SYNJ2BP: variants seen among roughly 807,000 people sequenced by gnomAD.
The protein encoded by SYNJ2BP is synaptojanin 2 binding protein.
In SYNJ2BP, 10 loss-of-function variants were observed where a neutral mutation model predicts 16.9. The observed-to-expected ratio is 0.59, with a 90% CI of 0.36 to 1.00. The LOEUF (loss-of-function observed/expected upper bound fraction) is 1.00. SYNJ2BP is among the 50% of genes least tolerant of loss of function. The probability of loss-of-function intolerance (pLI) is 0.01; values close to 1 mark genes in which losing one functional copy is unlikely to be tolerated. For missense variants in SYNJ2BP, 162 were observed against 186.7 expected (o/e 0.87, Z 0.77); for synonymous variants, 54 against 68.4 (o/e 0.79, Z 1.04).
rs1887424512 is a variant in SYNJ2BP, at chr14:70,367,741, C to A, written c.*5250G>T. The A allele has an allele frequency of 6.6e-6, 1 of 152,090 alleles. No homozygotes were observed. Among genetic ancestry groups the A allele is most frequent in the Non-Finnish European group, 1.5e-5 (1 of 68,022 alleles). The allele number at this position is 152,090 out of a possible 1,614,324, so 9.4% of individuals were successfully genotyped here. On this transcript the variant is annotated 3_prime_UTR_variant, in exon 4 of 4. Coordinates refer to ENST00000256366, the MANE Select transcript of SYNJ2BP (RefSeq NM_018373.3). ...ACTTACACCAAAATAGCAACCAACT[C>A]TAAAACTATTACAGGTGAGAGGTAG...
chr14:70,378,533 T>A (rs1887681924), intron 2 of SYNJ2BP, among the ~76,000 whole-genome samples: 1 of 151,500 alleles, frequency 6.6e-6, no homozygotes, highest in African/African-American at 2.4e-5. Context: ...ATCAAGTGAT[T>A]CTCCTGCCTC....
rs900495873 is a variant in SYNJ2BP, at chr14:70,370,184, T to C, written c.*2807A>G. 13 of 152,192 alleles carry C rather than the reference T, an allele frequency of 8.5e-5. No homozygotes were observed. Among genetic ancestry groups the C allele is most frequent in the African/African-American group, 9.6e-5 (4 of 41,456 alleles). 9.4% of individuals were successfully genotyped at this position (152,192 alleles called of 1,614,324 possible). ...GATACTTTTTAAACAAATTTACATA[T>C]ACCAACAAGCAAAAAACTAGAGCTT... On this transcript the variant is annotated 3_prime_UTR_variant, in exon 4 of 4. Coordinates refer to ENST00000256366, the MANE Select transcript of SYNJ2BP (RefSeq NM_018373.3).
intron 3 of SYNJ2BP, among the ~76,000 whole-genome samples, chr14:70,373,717 G>GGTGA (rs1438491203): frequency 1.3e-5 from 2 of 152,132 alleles, no homozygotes; most frequent in Non-Finnish European, 2.9e-5. Context: ...GAGAGATGAA[G>GGTGA]GTGAATCTAT....
chr14:70,387,702 G>C (rs904293962), intron 2 of SYNJ2BP, among the ~76,000 whole-genome samples: 2 of 151,920 alleles, frequency 1.3e-5, no homozygotes, highest in African/African-American at 4.8e-5. Flanking sequence ...GTAGTGGCAG[G>C]GGCCTGTAGT....
At chr14:70,407,960 T>A (rs998000871) in intron 1 of SYNJ2BP, among the ~76,000 whole-genome samples, 2 of 152,208 alleles carry the variant, frequency 1.3e-5, no homozygotes, top group Non-Finnish European at 2.9e-5. Context: ...GCCAATATAG[T>A]ACCTAGTACA....
intron 1 of SYNJ2BP, among the ~76,000 whole-genome samples, chr14:70,408,288 G>C (rs1160487253): frequency 2.6e-5 from 4 of 152,146 alleles, no homozygotes; most frequent in Admixed American, 6.5e-5. Context: ...CCACATAGCA[G>C]TATCCTTAAA....
At chr14:70,399,548 C>T (rs1163390547) in intron 1 of SYNJ2BP, among the ~76,000 whole-genome samples, 3 of 152,190 alleles carry the variant, frequency 2.0e-5, no homozygotes, top group Non-Finnish European at 2.9e-5. Context: ...CAGTTGGCTG[C>T]CTCAGGGACG....
chr14:70,384,786 C>T (rs1282714172), intron 2 of SYNJ2BP, among the ~76,000 whole-genome samples: 1 of 152,164 alleles, frequency 6.6e-6, no homozygotes, highest in Non-Finnish European at 1.5e-5. Context: ...TAAGTTTAAA[C>T]TTAAAACTTA....
Position 70,371,056 on chromosome 14 carries a change from T to C in SYNJ2BP, c.*1935A>G, listed in dbSNP as rs1381304222. ...ATTACCAGACTGTCCAAGCTAGAAATGAAATACAGTTGATTGCCTGAGTCC... is the reference window on the plus strand; with the variant it reads ...ATTACCAGACTGTCCAAGCTAGAAACGAAATACAGTTGATTGCCTGAGTCC... On this transcript the variant is annotated 3_prime_UTR_variant, in exon 4 of 4. Coordinates refer to ENST00000256366, the MANE Select transcript of SYNJ2BP (RefSeq NM_018373.3). 6.6e-6 allele frequency: 1 copy of C among 152,178 alleles called. No homozygotes were observed. The highest frequency in any genetic ancestry group is 2.4e-5 in the African/African-American group (1 of 41,448). The allele number at this position is 152,178 out of a possible 1,614,324, so 9.4% of individuals were successfully genotyped here.
At chr14:70,380,083 A>G (rs7155763) in intron 2 of SYNJ2BP, among the ~76,000 whole-genome samples, 132,769 of 152,148 alleles carry the variant, frequency 0.87, 57,997 homozygotes, top group East Asian at 0.93. Context: ...TCTTCACAAT[A>G]GTTCTGTAAG....
At chr14:70,373,265 A>C (rs1190942729) in intron 3 of SYNJ2BP, 134 bp from the exon 4 acceptor site, 1 of 1,172,828 alleles carries the variant, frequency 8.5e-7, no homozygotes, top group Non-Finnish European at 1.2e-6. Flanking sequence ...ACCTAGCAGA[A>C]GGAGTCCTCT....
intron 1 of SYNJ2BP, among the ~76,000 whole-genome samples, chr14:70,405,146 A>C (rs889560676): frequency 6.6e-5 from 10 of 152,014 alleles, no homozygotes; most frequent in African/African-American, 2.2e-4. Context: ...CAATCAAATC[A>C]ATCAATGATA....
Position 70,379,521 on chromosome 14 carries a change from A to C in SYNJ2BP, c.202-3750T>G, listed in dbSNP as rs371209089. Among the ~76,000 whole-genome samples, 7 of 152,330 alleles carry C rather than the reference A, an allele frequency of 4.6e-5. No homozygotes were observed. The East Asian group carries it at 1.3e-3, about 29-fold the overall frequency. On this transcript the variant is annotated intron_variant, in intron 2 of 3. Coordinates refer to ENST00000256366, the MANE Select transcript of SYNJ2BP (RefSeq NM_018373.3). Reference sequence around the variant, plus strand: ...CCTTCCCTTTTAAAAAATTCTATTTATCTTCCAAGATTGATCTTTAAAAAG... The same window carrying C: ...CCTTCCCTTTTAAAAAATTCTATTTCTCTTCCAAGATTGATCTTTAAAAAG...
In SYNJ2BP at chr14:70,371,809, AAGT is replaced by A. The variant is rs747944711; in HGVS notation, c.*1179_*1181del. ...CTCAGGTTTGTTAGTAGAAACCAAA[AAGT>A]AGCCTGAGAGGGTTCAGGTGCCACC... On this transcript the variant is annotated 3_prime_UTR_variant, in exon 4 of 4. Transcript: ENST00000256366. 1 of 152,170 alleles carries A rather than the reference AAGT, an allele frequency of 6.6e-6. No homozygotes were observed. Among genetic ancestry groups the A allele is most frequent in the Non-Finnish European group, 1.5e-5 (1 of 68,030 alleles). 9.4% of individuals were successfully genotyped at this position (152,170 alleles called of 1,614,324 possible). A position where few individuals can be genotyped will look rare whatever the true frequency, so the allele number is the denominator to read the frequency against.
intron 1 of SYNJ2BP, among the ~76,000 whole-genome samples, chr14:70,410,834 G>A (rs1433411224): frequency 1.3e-5 from 2 of 152,118 alleles, no homozygotes; most frequent in African/African-American, 2.4e-5. Context: ...ACACACAGAG[G>A]AGAACAGACA....
intron 1 of SYNJ2BP, among the ~76,000 whole-genome samples, chr14:70,402,935 G>T (rs1394499856): frequency 6.6e-6 from 1 of 152,186 alleles, no homozygotes; most frequent in East Asian, 1.9e-4. Context: ...CAAGCAGCTA[G>T]AAATTTTTAC....
intron 1 of SYNJ2BP, among the ~76,000 whole-genome samples, chr14:70,414,057 T>TATATC (rs1455669217): frequency 6.6e-6 from 1 of 152,210 alleles, no homozygotes; most frequent in Non-Finnish European, 1.5e-5. Flanking sequence ...TCTAGTGGTA[T>TATATC]TTTGAGACAG....
At chr14:70,374,898 T>G (rs1887591814) in intron 3 of SYNJ2BP, among the ~76,000 whole-genome samples, 1 of 151,804 alleles carries the variant, frequency 6.6e-6, no homozygotes, top group African/African-American at 2.4e-5. Flanking sequence ...AATTAATTAA[T>G]TTATTTATTT....
At chr14:70,393,481 T>C (rs1888022510) in intron 1 of SYNJ2BP, among the ~76,000 whole-genome samples, 1 of 152,244 alleles carries the variant, frequency 6.6e-6, no homozygotes, top group African/African-American at 2.4e-5. Context: ...TAAATCATTC[T>C]ACTATAAACA....
Sources: gnomAD v4.1 joint callset for allele counts (sites outside exome capture counted in the v4.1 genomes callset) on GRCh38, gnomAD v4.1.1 for gene constraint, MANE v1.5 for transcripts, NCBI Gene and HGNC (gene_info 2026-07-23, HGNC 2026-07-21) for gene names.